The following RPGRIP1L variants were observed in gnomAD, a reference collection of about 807,000 sequenced individuals.
RPGRIP1L encodes RPGRIP1 like, also known as protein fantom.
Under a neutral mutation model 160.4 loss-of-function variants are expected in RPGRIP1L, and 131 were observed. That is an observed-to-expected ratio of 0.82 (90% CI 0.71 to 0.94). RPGRIP1L has a LOEUF of 0.94. Among genes scored for constraint, RPGRIP1L ranks in the 40% least tolerant of loss-of-function variants. RPGRIP1L has a pLI of 0.00. For synonymous variants in RPGRIP1L, 510 were observed against 515.8 expected, an observed-to-expected ratio of 0.99 and a Z score of 0.15; for missense variants, 1,522 against 1,535.8, an observed-to-expected ratio of 0.99 and a Z score of 0.15.
rs147046186 is a variant in RPGRIP1L at position 53,611,010 on chromosome 16, T to C, written c.3658A>G (p.Ile1220Val). The change falls in exon 25 of 27, where the codon ATC (isoleucine) becomes GTC (valine). Residue 1220 changes from isoleucine (I) to valine (V), a missense_variant. Ile to Val is a conservative substitution (Grantham distance 29, BLOSUM62 3). Transcript: ENST00000647211. ...TGTTTTTGTAGTATAGCTTTTAAGA[T>C]GTCTCTCTTTGCTTTGTTGTTTTCT... ...DKENNKAKRD[I>V]LKAILQKQEM... 4.0e-5 allele frequency: 64 copies of C among 1,613,436 alleles called. No individual in the cohort carries two copies. The African/African-American group carries it at 6.8e-4, about 17-fold the overall frequency.
At chr16:53,660,542 A>G (rs1398635129) in intron 10 of RPGRIP1L, among the ~76,000 whole-genome samples, 1 of 151,530 alleles carries the variant, frequency 6.6e-6, no homozygotes, top group African/African-American at 2.4e-5. Context: ...TTGGCAGTCT[A>G]AAAAGTAAAA....
Position 53,637,848 on chromosome 16 carries a change from G to C in RPGRIP1L, c.3067C>G (p.Gln1023Glu), listed in dbSNP as rs1483413866. The change falls in exon 21 of 27, where the codon CAA (glutamine) becomes GAA (glutamate). Residue 1023 changes from glutamine to glutamate, a missense_variant. By Grantham distance (29) the Gln-to-Glu change is conservative. Transcript: ENST00000647211. ...TTTACCTCATCTACACTGCCTTCTT[G>C]TGAAACCTGAAGAAATCAAAGCACA... is the stretch of plus-strand genomic sequence containing the variant. ...LTVPHVPKVS[Q>E]EGSVDEVKEN... 4 of 1,612,640 alleles carry C rather than the reference G, an allele frequency of 2.5e-6. No homozygotes were observed.
At chr16:53,663,100 AT>A (rs1160825415) in intron 10 of RPGRIP1L, among the ~76,000 whole-genome samples, 1 of 151,964 alleles carries the variant, frequency 6.6e-6, no homozygotes, top group Non-Finnish European at 1.5e-5. Flanking sequence ...AGCAGTGATT[AT>A]TTTGCTAATA....
At chr16:53,650,700 A>G (rs1462549265) in intron 15 of RPGRIP1L, among the ~76,000 whole-genome samples, 1 of 152,152 alleles carries the variant, frequency 6.6e-6, no homozygotes, top group Non-Finnish European at 1.5e-5. Context: ...TGAATATATT[A>G]CCTCAATCAA....
chr16:53,653,489 C>T (rs1966974324), intron 14 of RPGRIP1L: 1 of 242,478 alleles, frequency 4.1e-6, no homozygotes, highest in Non-Finnish European at 6.6e-6. Context: ...ATATCACCAA[C>T]GTGAATATCT....
chr16:53,635,120 T>C (rs1423617718), intron 22 of RPGRIP1L, among the ~76,000 whole-genome samples: 1 of 152,180 alleles, frequency 6.6e-6, no homozygotes, highest in African/African-American at 2.4e-5. Flanking sequence ...AATATATATG[T>C]ACATTAGAAT....
At chr16:53,636,236 T>TA (rs1363248651) in intron 22 of RPGRIP1L, among the ~76,000 whole-genome samples, 1 of 152,198 alleles carries the variant, frequency 6.6e-6, no homozygotes, top group African/African-American at 2.4e-5. Flanking sequence ...AAATAATACT[T>TA]ACATGTTATA....
chr16:53,621,682 T>A (rs1240161417), intron 23 of RPGRIP1L, among the ~76,000 whole-genome samples: 6 of 152,182 alleles, frequency 3.9e-5, no homozygotes, highest in Non-Finnish European at 2.9e-5. Flanking sequence ...ACAATTTATT[T>A]TTCAATGCTG....
chr16:53,689,095 T>G (rs1180280104), intron 4 of RPGRIP1L, among the ~76,000 whole-genome samples: 1 of 149,732 alleles, frequency 6.7e-6, no homozygotes, highest in East Asian at 1.9e-4. Flanking sequence ...ATATGTTATA[T>G]ATATATATAA....
intron 26 of RPGRIP1L, among the ~76,000 whole-genome samples, chr16:53,605,037 C>T (rs917440953): frequency 2.6e-5 from 4 of 151,844 alleles, no homozygotes; most frequent in Non-Finnish European, 4.4e-5. Flanking sequence ...AAAAATTAGC[C>T]GGGCATGGTG....
chr16:53,698,257 T>C (rs1314108494), intron 2 of RPGRIP1L, among the ~76,000 whole-genome samples: 1 of 145,160 alleles, frequency 6.9e-6, no homozygotes, highest in African/African-American at 2.6e-5. Context: ...AGCCGACCCG[T>C]CCGGGAGGGA....
intron 6 of RPGRIP1L, among the ~76,000 whole-genome samples, chr16:53,678,610 A>G (rs568733497): frequency 2.1e-4 from 32 of 152,270 alleles, no homozygotes; most frequent in Non-Finnish European, 4.3e-4. Context: ...AAGCTAAAAA[A>G]AAGCTTCCTG....
At chr16:53,611,776 C>T (rs993040126) in intron 24 of RPGRIP1L, among the ~76,000 whole-genome samples, 2 of 152,130 alleles carry the variant, frequency 1.3e-5, no homozygotes, top group Non-Finnish European at 1.5e-5. Flanking sequence ...TTTCAATGTG[C>T]GAACAGTACA....
Position 53,686,505 on chromosome 16 carries a change from T to C in RPGRIP1L, c.704A>G (p.Gln235Arg). The change falls in exon 6 of 27, where the codon CAG becomes CGG. Residue 235 changes from glutamine (Q) to arginine (R), a missense_variant. Physicochemically the swap from Gln to Arg is conservative, Grantham distance 43 (BLOSUM62 1). Transcript: ENST00000647211. ...AATTTCATTTTCTTTTCTCCTCAAC[T>C]GAGTTTTCAGGATCTCAGCCAAGTG... ...LEHLAEILKTQLRRKENEIEL... is the reference protein window; with the variant it reads ...LEHLAEILKTRLRRKENEIEL... 1 of 1,613,728 alleles carries C rather than the reference T, an allele frequency of 6.2e-7. No individual in the cohort carries two copies. The highest frequency in any genetic ancestry group is 8.5e-7 in the Non-Finnish European group (1 of 1,179,734).
intron 22 of RPGRIP1L, among the ~76,000 whole-genome samples, chr16:53,631,540 ATTG>A (rs1455309762): frequency 6.6e-6 from 1 of 152,140 alleles, no homozygotes; most frequent in African/African-American, 2.4e-5. Flanking sequence ...CAAAAGATGG[ATTG>A]TTAATTTTTT....
At chr16:53,658,728 A>AT (rs898685834) in intron 11 of RPGRIP1L, 44 bp downstream of exon 11, 1 of 1,304,352 alleles carries the variant, frequency 7.7e-7, no homozygotes, top group African/African-American at 1.5e-5. Flanking sequence ...AAATATTGAG[A>AT]TAAAAATTCT....
intron 22 of RPGRIP1L, among the ~76,000 whole-genome samples, chr16:53,622,635 C>G (rs1964806766): frequency 6.6e-6 from 1 of 151,406 alleles, no homozygotes; most frequent in South Asian, 2.1e-4. Context: ...AATATCGCCA[C>G]AATTGGCCAG....
chr16:53,649,445 T>C (rs1017962322), intron 15 of RPGRIP1L, among the ~76,000 whole-genome samples: 1 of 152,232 alleles, frequency 6.6e-6, no homozygotes, highest in African/African-American at 2.4e-5. Context: ...TTTTTGATGC[T>C]ATAGTATAAT....
At chr16:53,621,674 A>C (rs1319071407) in intron 23 of RPGRIP1L, among the ~76,000 whole-genome samples, 1 of 152,168 alleles carries the variant, frequency 6.6e-6, no homozygotes, top group Non-Finnish European at 1.5e-5. Flanking sequence ...GATGCTAGAC[A>C]ATTTATTTTT....
Sources: gnomAD v4.1 joint callset for allele counts (sites outside exome capture counted in the v4.1 genomes callset) on GRCh38, gnomAD v4.1.1 for gene constraint, MANE v1.5 for transcripts, NCBI Gene and HGNC (gene_info 2026-07-23, HGNC 2026-07-21) for gene names.